The following PCDHGA2 variants were observed in gnomAD, a reference collection of about 807,000 sequenced individuals.
PCDHGA2 encodes the protein protocadherin gamma-A2.
PCDHGA2 carries 40 observed loss-of-function variants against 59.2 expected under a neutral mutation model. That is an observed-to-expected ratio of 0.68 (90% confidence interval 0.52 to 0.88). The LOEUF is 0.88. Ranked by LOEUF, PCDHGA2 falls within the 40% of genes least tolerant of loss-of-function variation. PCDHGA2 has a pLI of 0.00. For synonymous variants in PCDHGA2, 560 were observed against 526.0 expected (o/e 1.06, Z -0.89); for missense variants, 1,226 against 1,204.0 (o/e 1.02, Z -0.27).
chr5:141,403,204 G>C, intron 1 of PCDHGA2: 3 of 1,613,952 alleles, frequency 1.9e-6, no homozygotes, highest in Non-Finnish European at 2.5e-6. Flanking sequence ...GCGGCACCTT[G>C]GTCACCGCGG....
intron 1 of PCDHGA2, among the ~76,000 whole-genome samples, chr5:141,464,436 TTTG>T (rs1043492514): frequency 1.1e-4 from 17 of 151,396 alleles, no homozygotes; most frequent in Non-Finnish European, 1.9e-4. Flanking sequence ...GATATATATG[TTTG>T]TTGTTGTTGT....
chr5:141,409,697 C>A (rs372548874), intron 1 of PCDHGA2: 1 of 1,613,178 alleles, frequency 6.2e-7, no homozygotes, highest in African/African-American at 1.3e-5. Context: ...CCTAGAGCCC[C>A]TGGCGGTGTC....
intron 2 of PCDHGA2, among the ~76,000 whole-genome samples, chr5:141,499,575 T>TCCCTA (rs2099792820): frequency 1.3e-5 from 2 of 152,202 alleles, no homozygotes; most frequent in Non-Finnish European, 2.9e-5. Context: ...CTTCAACTAA[T>TCCCTA]GCCTTATCTT....
chr5:141,373,769 T>A (rs1466229132), intron 1 of PCDHGA2: 3 of 255,350 alleles, frequency 1.2e-5, no homozygotes, highest in Non-Finnish European at 2.2e-5. Flanking sequence ...ATGAGTGTCA[T>A]CTCTGCAGAT....
intron 1 of PCDHGA2, chr5:141,409,789 G>C (rs1390138666): frequency 1.2e-6 from 2 of 1,611,918 alleles, no homozygotes; most frequent in African/African-American, 2.7e-5. Context: ...GCGCCTTCGC[G>C]CTCACGCTGC....
intron 1 of PCDHGA2, chr5:141,377,128 G>A (rs1175570742): frequency 6.6e-6 from 1 of 152,206 alleles, no homozygotes; most frequent in Admixed American, 6.5e-5. Context: ...TCTTAATTTT[G>A]TGGGGGAAAA....
At chr5:141,401,656 T>G (rs1400500695) in intron 1 of PCDHGA2, among the ~76,000 whole-genome samples, 1 of 152,248 alleles carries the variant, frequency 6.6e-6, no homozygotes, top group East Asian at 1.9e-4. Context: ...AATGACTGGA[T>G]GTTTTCTCAA....
intron 1 of PCDHGA2, chr5:141,343,883 C>G: frequency 1.6e-6 from 1 of 644,780 alleles, no homozygotes; most frequent in Non-Finnish European, 2.6e-6. Flanking sequence ...TCAGAAGATC[C>G]GGGGCGGCTG....
At chr5:141,382,942 C>A (rs763091165) in intron 1 of PCDHGA2, 5 of 1,595,522 alleles carry the variant, frequency 3.1e-6, no homozygotes, top group Non-Finnish European at 4.3e-6. Flanking sequence ...AGGATTCTTC[C>A]TGCTCTCCAT....
intron 1 of PCDHGA2, chr5:141,356,464 G>A: frequency 6.2e-7 from 1 of 1,613,704 alleles, no homozygotes; most frequent in Non-Finnish European, 8.5e-7. Context: ...TAACATCACT[G>A]TAACTGCCAC....
intron 1 of PCDHGA2, chr5:141,422,941 G>A (rs777535652): frequency 9.9e-6 from 16 of 1,614,218 alleles, no homozygotes; most frequent in East Asian, 4.5e-5. Context: ...CCCCACAGAC[G>A]GCTCCACTGG....
At chr5:141,453,481 T>TA (rs1178324090) in intron 1 of PCDHGA2, among the ~76,000 whole-genome samples, 1 of 151,928 alleles carries the variant, frequency 6.6e-6, no homozygotes, top group African/African-American at 2.4e-5. Context: ...TCAAAACTAT[T>TA]AAAAAAAGGT....
chr5:141,404,000 A>T (rs758512396), intron 1 of PCDHGA2: 2 of 1,613,956 alleles, frequency 1.2e-6, no homozygotes, highest in South Asian at 1.1e-5. Context: ...AGTGACCATT[A>T]CATCTCTGTT....
chr5:141,357,392 G>C, intron 1 of PCDHGA2: 1 of 1,614,246 alleles, frequency 6.2e-7, no homozygotes, highest in Non-Finnish European at 8.5e-7. Context: ...GAAGGCAGCA[G>C]GTTGGCAGGT....
At chr5:141,478,042 G>A (rs1358652557) in intron 1 of PCDHGA2, 18 of 1,614,152 alleles carry the variant, frequency 1.1e-5, no homozygotes, top group Non-Finnish European at 1.5e-5. Flanking sequence ...CACCCAGGCA[G>A]ACTCTCACGG....
At chr5:141,394,306 G>T in intron 1 of PCDHGA2, 1 of 1,613,958 alleles carries the variant, frequency 6.2e-7, no homozygotes, top group Non-Finnish European at 8.5e-7. Context: ...ACGCTGCAGG[G>T]GGCGCCCCTG....
intron 2 of PCDHGA2, among the ~76,000 whole-genome samples, chr5:141,496,467 TC>T (rs1289225541): frequency 1.3e-5 from 2 of 152,176 alleles, no homozygotes; most frequent in Admixed American, 1.3e-4. Flanking sequence ...GAGTTATCTT[TC>T]CCCCATCCTG....
intron 1 of PCDHGA2, chr5:141,392,912 C>T: frequency 6.2e-7 from 1 of 1,613,908 alleles, no homozygotes; most frequent in South Asian, 1.1e-5. Context: ...AGATTCGCTA[C>T]TCTGTGCCAG....
chr5:141,437,094 G>A (rs1183502010), intron 1 of PCDHGA2, among the ~76,000 whole-genome samples: 3 of 152,126 alleles, frequency 2.0e-5, no homozygotes, highest in African/African-American at 4.8e-5. Context: ...TGAAACTAAC[G>A]GCTTAGCTTT....
Sources: allele counts gnomAD v4.1 joint callset (sites outside exome capture counted in the v4.1 genomes callset), GRCh38; gene constraint gnomAD v4.1.1; transcripts MANE v1.5; gene names NCBI Gene and HGNC (gene_info 2026-07-23, HGNC 2026-07-21).